Variants in GLRA2 observed in about 807,000 individuals in gnomAD.
The protein encoded by GLRA2 is glycine receptor alpha 2, also known as glycine receptor subunit alpha-2.
A neutral mutation model predicts 31.6 loss-of-function variants in GLRA2; 11 were observed. The observed-to-expected ratio is 0.35, with a 90% confidence interval of 0.22 to 0.58. The LOEUF (loss-of-function observed/expected upper bound fraction) is 0.58, where lower values mean the gene tolerates loss of function less well. GLRA2 is among the 20% of genes least tolerant of loss of function. GLRA2 has a pLI of 0.84. For synonymous variants in GLRA2, 132 were observed against 134.0 expected, an observed-to-expected ratio of 0.99 and a Z score of 0.10; for missense variants, 212 against 351.8, an observed-to-expected ratio of 0.60 and a Z score of 3.18.
chrX:14,564,664 A>G (rs1055819709), intron 2 of GLRA2, among the ~76,000 whole-genome samples: 1 of 112,442 alleles, frequency 8.9e-6, no homozygotes, highest in African/African-American at 3.2e-5. Flanking sequence ...TGTGCATTCA[A>G]TAAAAAGATA....
chrX:14,713,208 T>G (rs1392576335), intron 8 of GLRA2, among the ~76,000 whole-genome samples: 1 of 112,159 alleles, frequency 8.9e-6, no homozygotes, highest in Admixed American at 9.5e-5. Flanking sequence ...ATTATTGTTT[T>G]GAGTTTAGTA....
At chrX:14,685,530 CT>C (rs1208991795) in intron 7 of GLRA2, among the ~76,000 whole-genome samples, 1 of 111,629 alleles carries the variant, frequency 9.0e-6, no homozygotes, top group African/African-American at 3.3e-5. Flanking sequence ...CAACTTCTTC[CT>C]GGTTTTGTCT....
chrX:14,486,807 TTCA>T, the GLRA2 span, among the ~76,000 whole-genome samples: 1 of 112,110 alleles, frequency 8.9e-6, no homozygotes, highest in Non-Finnish European at 1.9e-5. Flanking sequence ...AAATGTGTAC[TTCA>T]TCAAAGAATG....
chrX:14,493,882 C>T, the GLRA2 span, among the ~76,000 whole-genome samples: 1 of 107,597 alleles, frequency 9.3e-6, no homozygotes, highest in Non-Finnish European at 1.9e-5. Context: ...AAAGGATATA[C>T]ATGAAAATGT....
chrX:14,667,569 A>G (rs1456469553), intron 7 of GLRA2, among the ~76,000 whole-genome samples: 3 of 112,106 alleles, frequency 2.7e-5, no homozygotes, highest in Non-Finnish European at 5.6e-5. Context: ...AGCTACTTTT[A>G]TACATGTTCA....
chrX:14,458,334 G>A, the GLRA2 span, among the ~76,000 whole-genome samples: 3 of 111,656 alleles, frequency 2.7e-5, no homozygotes, highest in Admixed American at 9.5e-5. Flanking sequence ...ATAAACATCC[G>A]TGTGCATGTG....
chrX:14,483,874 G>A, the GLRA2 span, among the ~76,000 whole-genome samples: 1 of 111,244 alleles, frequency 9.0e-6, no homozygotes, highest in African/African-American at 3.3e-5. Flanking sequence ...CTAATCAACT[G>A]CCAGTGTGGC....
intron 3 of GLRA2, among the ~76,000 whole-genome samples, chrX:14,578,789 A>G (rs962656584): frequency 4.5e-5 from 5 of 111,746 alleles, no homozygotes; most frequent in African/African-American, 1.6e-4. Flanking sequence ...CCATCTGTAT[A>G]TAGCTTTCCC....
intron 7 of GLRA2, among the ~76,000 whole-genome samples, chrX:14,631,900 A>C (rs74646470): frequency 1.9e-3 from 2 of 1,038 alleles, no homozygotes; most frequent in African/African-American, 6.0e-3. Context: ...ATGTATATGT[A>C]TATATATAGA....
chrX:14,495,278 A>G, the GLRA2 span, among the ~76,000 whole-genome samples: 2 of 111,468 alleles, frequency 1.8e-5, no homozygotes, highest in African/African-American at 6.5e-5. Context: ...AACATATTCA[A>G]TATAAGACAA....
intron 7 of GLRA2, among the ~76,000 whole-genome samples, chrX:14,613,711 A>C (rs1423753630): frequency 9.0e-6 from 1 of 111,194 alleles, no homozygotes; most frequent in Non-Finnish European, 1.9e-5. Context: ...AACTATGTAC[A>C]TATGCACAAA....
At chrX:14,639,550 C>T (rs2090751331) in intron 7 of GLRA2, among the ~76,000 whole-genome samples, 1 of 112,071 alleles carries the variant, frequency 8.9e-6, no homozygotes, top group Non-Finnish European at 1.9e-5. Flanking sequence ...CAATGCTTCC[C>T]TATTTTAGTG....
At chrX:14,509,580 A>C in the GLRA2 span, among the ~76,000 whole-genome samples, 1 of 112,368 alleles carries the variant, frequency 8.9e-6, no homozygotes, top group Admixed American at 9.4e-5. Context: ...GGCTTCATAA[A>C]GTGGGGCTTA....
intron 4 of GLRA2, among the ~76,000 whole-genome samples, chrX:14,594,380 C>G (rs1387019413): frequency 9.0e-6 from 1 of 111,318 alleles, no homozygotes; most frequent in African/African-American, 3.3e-5. Context: ...CGCATAGTAA[C>G]AATGAAAAAG....
rs368633788 is a variant in GLRA2, at chrX:14,629,184, A to G, written c.930+19979A>G. ...GACCCATAGGCTTGACCGAAGGACA[A>G]CACATCAGGGTTGGAAGGAATTGGG... On this transcript the variant is annotated intron_variant, in intron 7 of 8. Coordinates refer to ENST00000218075, the MANE Select transcript of GLRA2 (RefSeq NM_002063.4). Among the ~76,000 whole-genome samples the G allele has an allele frequency of 1.7e-3, 186 of 111,638 alleles. 4 individuals carry two copies. In the South Asian group the frequency reaches 0.068, roughly 41 times the overall value.
At chrX:14,493,662 T>C in the GLRA2 span, among the ~76,000 whole-genome samples, 1 of 100,929 alleles carries the variant, frequency 9.9e-6, no homozygotes, top group Non-Finnish European at 2.0e-5. Flanking sequence ...TATGTACACA[T>C]ATATATGTAT....
chrX:14,467,839 GT>G, the GLRA2 span, among the ~76,000 whole-genome samples: 2,032 of 109,377 alleles, frequency 0.019, 67 homozygotes, highest in African/African-American at 0.065. Context: ...GCATTAGTGT[GT>G]AAGGACCGAA....
At chrX:14,606,377 T>C (rs777844580) in intron 5 of GLRA2, among the ~76,000 whole-genome samples, 1 of 111,178 alleles carries the variant, frequency 9.0e-6, no homozygotes, top group Non-Finnish European at 1.9e-5. Context: ...AGAGCTAACT[T>C]TGGATTACCA....
chrX:14,620,041 C>G (rs747983897), intron 7 of GLRA2, among the ~76,000 whole-genome samples: 3 of 107,255 alleles, frequency 2.8e-5, no homozygotes, highest in Non-Finnish European at 3.8e-5. Flanking sequence ...CACAGAGAAT[C>G]CGGCTGCATA....
Sources: allele counts gnomAD v4.1 joint callset (sites outside exome capture counted in the v4.1 genomes callset), GRCh38; gene constraint gnomAD v4.1.1; transcripts MANE v1.5; gene names NCBI Gene and HGNC (gene_info 2026-07-23, HGNC 2026-07-21).